The following MRTFB variants were observed in gnomAD, a reference collection of about 807,000 sequenced individuals.
MRTFB encodes myocardin-related transcription factor B.
A neutral mutation model predicts 104.2 loss-of-function variants in MRTFB; 29 were observed. That is an observed-to-expected ratio of 0.28 (90% confidence interval 0.21 to 0.38). The LOEUF (loss-of-function observed/expected upper bound fraction) is 0.38, where lower values mean the gene tolerates loss of function less well. Ranked by LOEUF, MRTFB falls within the 10% of genes least tolerant of loss-of-function variation. The pLI is 1.00. For synonymous variants in MRTFB, 535 were observed against 519.5 expected (o/e 1.03, Z -0.41); for missense variants, 1,270 against 1,341.6 (o/e 0.95, Z 0.83).
intron 15 of MRTFB, among the ~76,000 whole-genome samples, chr16:14,256,208 A>AAAAAAC (rs1555461885): frequency 2.0e-5 from 3 of 150,914 alleles, no homozygotes; most frequent in Non-Finnish European, 4.4e-5. Flanking sequence ...AAAAAAAAAA[A>AAAAAAC]CCCCAGATGG....
intron 3 of MRTFB, chr16:14,200,292 C>T (rs2151105278): frequency 5.0e-6 from 8 of 1,592,676 alleles, no homozygotes; most frequent in Admixed American, 1.7e-5. Flanking sequence ...TTCTGAGTTC[C>T]GACCCGGACC....
intron 3 of MRTFB, among the ~76,000 whole-genome samples, chr16:14,204,696 GA>G (rs1188958133): frequency 2.0e-5 from 3 of 152,240 alleles, no homozygotes; most frequent in African/African-American, 7.2e-5. Context: ...AGCCCTAAGA[GA>G]TGAAAGATCA....
chr16:14,043,728 A>T, the MRTFB span, among the ~76,000 whole-genome samples: 1 of 152,224 alleles, frequency 6.6e-6, no homozygotes, highest in Non-Finnish European at 1.5e-5. Context: ...AATCAAGGAT[A>T]TCATAGCTAA....
chr16:14,068,095 C>T (rs181412726), upstream of MRTFB, among the ~76,000 whole-genome samples: 6 of 152,132 alleles, frequency 3.9e-5, no homozygotes, highest in African/African-American at 1.4e-4. Flanking sequence ...GCCTCCCAAA[C>T]TGCTGGGATT....
chr16:14,096,794 TA>T (rs938860540), intron 2 of MRTFB, among the ~76,000 whole-genome samples: 1 of 152,250 alleles, frequency 6.6e-6, no homozygotes, highest in African/African-American at 2.4e-5. Flanking sequence ...GTATGTTTTT[TA>T]AAAAATCATT....
intron 2 of MRTFB, among the ~76,000 whole-genome samples, chr16:14,107,140 G>A (rs2036023185): frequency 6.6e-6 from 1 of 152,248 alleles, no homozygotes; most frequent in Non-Finnish European, 1.5e-5. Flanking sequence ...TGCGGCTGAA[G>A]CAGCAGAATC....
chr16:14,077,005 G>A (rs376676446), intron 1 of MRTFB, among the ~76,000 whole-genome samples: 20 of 152,242 alleles, frequency 1.3e-4, no homozygotes, highest in African/African-American at 3.6e-4. Flanking sequence ...ATTTCTATAA[G>A]TGTATAAATT....
chr16:14,078,594 AT>A (rs538876907), intron 1 of MRTFB, among the ~76,000 whole-genome samples: 842 of 140,498 alleles, frequency 6.0e-3, no homozygotes, highest in Non-Finnish European at 5.9e-3. Context: ...CTCCTGGCAA[AT>A]TTTTTTTTTT....
At chr16:14,005,038 G>A in the MRTFB span, among the ~76,000 whole-genome samples, 2 of 152,240 alleles carry the variant, frequency 1.3e-5, no homozygotes, top group African/African-American at 4.8e-5. Flanking sequence ...GAAGGAGCCT[G>A]CATGACTGGA....
chr16:14,107,550 G>A (rs1193569374), intron 2 of MRTFB, among the ~76,000 whole-genome samples: 1 of 152,180 alleles, frequency 6.6e-6, no homozygotes, highest in Non-Finnish European at 1.5e-5. Flanking sequence ...GCACAGTTGG[G>A]GAAGAGGGGT....
At chr16:14,183,135 G>A (rs1448745022) in intron 3 of MRTFB, among the ~76,000 whole-genome samples, 3 of 152,160 alleles carry the variant, frequency 2.0e-5, no homozygotes, top group Non-Finnish European at 4.4e-5. Flanking sequence ...TACATCATCA[G>A]TTTTGAGACA....
At chr16:14,063,419 G>A in the MRTFB span, among the ~76,000 whole-genome samples, 1 of 151,998 alleles carries the variant, frequency 6.6e-6, no homozygotes, top group African/African-American at 2.4e-5. Context: ...ATTGCATGTC[G>A]ACAGGGTTTG....
chr16:14,232,112 T>C (rs950001097), intron 8 of MRTFB, among the ~76,000 whole-genome samples: 15 of 152,232 alleles, frequency 9.9e-5, no homozygotes, highest in African/African-American at 3.6e-4. Context: ...TAACACTTAC[T>C]GCTCTCAGAT....
chr16:14,246,948 T>C lies in MRTFB; in HGVS notation c.1688T>C (p.Leu563Pro), dbSNP rs1163673388. 10 of 1,613,982 alleles carry C rather than the reference T, an allele frequency of 6.2e-6. No homozygotes were observed. The East Asian group carries it at 2.2e-4, about 36-fold the overall frequency. Reference sequence around the variant, plus strand: ...CCCACCAGCAGCACTCTGTCAAACCTGGAACTGGATGCAGCCGAAAAGGAT... The same window carrying C: ...CCCACCAGCAGCACTCTGTCAAACCCGGAACTGGATGCAGCCGAAAAGGAT... ...LSPTSSTLSNLELDAAEKDRK... is the reference protein window; with the variant it reads ...LSPTSSTLSNPELDAAEKDRK... The change falls in exon 12 of 17, where the codon CTG (leucine) becomes CCG (proline). Residue 563 changes from leucine to proline, a missense_variant. Around this residue, in one of 3 missense-constraint regions of MRTFB, gnomAD observed 1,144 missense variants for 1,131.5 expected, o/e 1.01. Coordinates refer to ENST00000571589, the MANE Select transcript of MRTFB (RefSeq NM_001308142.2).
the MRTFB span, among the ~76,000 whole-genome samples, chr16:14,000,153 T>A: frequency 6.6e-6 from 1 of 152,110 alleles, no homozygotes; most frequent in Non-Finnish European, 1.5e-5. Context: ...AGGATAGAGA[T>A]AACAGGGTAA....
intron 3 of MRTFB, chr16:14,152,876 AG>A (rs2038682355): frequency 6.6e-6 from 1 of 152,212 alleles, no homozygotes. Flanking sequence ...GCTAAATAAA[AG>A]TCCTATACAA....
At chr16:14,095,484 A>T (rs1243475765) in intron 2 of MRTFB, among the ~76,000 whole-genome samples, 1 of 152,250 alleles carries the variant, frequency 6.6e-6, no homozygotes, top group Non-Finnish European at 1.5e-5. Flanking sequence ...TAAAGTACAC[A>T]TTATAAATTG....
At chr16:14,028,211 A>C in the MRTFB span, among the ~76,000 whole-genome samples, 17 of 150,236 alleles carry the variant, frequency 1.1e-4, no homozygotes, top group Middle Eastern at 3.4e-3. Context: ...CAACACAACA[A>C]AACAAAACAA....
chr16:14,019,073 C>T, the MRTFB span: 1 of 152,490 alleles, frequency 6.6e-6, no homozygotes, highest in South Asian at 2.1e-4. Context: ...ATTGTTTTGT[C>T]TTCTGGTGGC....
Sources: gnomAD v4.1 joint callset for allele counts (sites outside exome capture counted in the v4.1 genomes callset) on GRCh38, gnomAD v4.1.1 for gene constraint, gnomAD v4.1.1 regional missense constraint, MANE v1.5 for transcripts, NCBI Gene and HGNC (gene_info 2026-07-23, HGNC 2026-07-21) for gene names.